The following COL5A2 variants were observed in gnomAD, a reference collection of about 807,000 sequenced individuals.
COL5A2 encodes the protein collagen type V alpha 2 chain, also known as collagen alpha-2(V) chain.
Under a neutral mutation model 208.2 loss-of-function variants are expected in COL5A2, and 23 were observed. The observed-to-expected ratio is 0.11, with a 90% CI of 0.08 to 0.16. The LOEUF (loss-of-function observed/expected upper bound fraction) is 0.16, where lower values mean the gene tolerates loss of function less well. COL5A2 is among the 10% of genes least tolerant of loss of function. COL5A2 has a pLI of 1.00. For synonymous variants in COL5A2, 625 were observed against 628.5 expected, an observed-to-expected ratio of 0.99 and a Z score of 0.08; for missense variants, 1,590 against 1,956.4, an observed-to-expected ratio of 0.81 and a Z score of 3.53.
At chr2:189,385,892 G>A in the COL5A2 span, among the ~76,000 whole-genome samples, 1 of 152,156 alleles carries the variant, frequency 6.6e-6, no homozygotes, top group Non-Finnish European at 1.5e-5. Context: ...AGACATACCT[G>A]AGACTGGGTA....
At chr2:189,172,223 A>G (rs1364106380) in intron 1 of COL5A2, among the ~76,000 whole-genome samples, 2 of 152,228 alleles carry the variant, frequency 1.3e-5, no homozygotes, top group African/African-American at 4.8e-5. Flanking sequence ...TACAAGCTAA[A>G]GGGAAAGAGC....
At position 189,066,792 on chromosome 2, in the gene COL5A2, AT is replaced by A. The variant is rs1470133187; in HGVS notation, c.1402-11del. The A allele has an allele frequency of 1.2e-6, 2 of 1,609,070 alleles. No homozygotes were observed. The highest frequency in any genetic ancestry group is 2.2e-5 in the East Asian group (1 of 44,846). The stretch of plus-strand genomic sequence containing the variant: ...GAACTCCTGGATCACCCTGAAAAAA[AT>A]ATATTGATATTTGTAAGAACCAGGA... On this transcript the variant is annotated splice_polypyrimidine_tract_variant and intron_variant, in intron 21 of 53. Coordinates refer to ENST00000374866, the MANE Select transcript of COL5A2 (RefSeq NM_000393.5).
the COL5A2 span, among the ~76,000 whole-genome samples, chr2:189,397,993 A>C: frequency 6.6e-6 from 1 of 152,136 alleles, no homozygotes; most frequent in Non-Finnish European, 1.5e-5. Flanking sequence ...TATTTTTATC[A>C]GCATTCAGTT....
chr2:189,309,139 A>G, the COL5A2 span, among the ~76,000 whole-genome samples: 4 of 152,202 alleles, frequency 2.6e-5, no homozygotes, highest in Non-Finnish European at 4.4e-5. Flanking sequence ...CGACAACCTC[A>G]TCGAGAATGT....
chr2:189,192,793 T>C (rs554715092), intron 1 of COL5A2, among the ~76,000 whole-genome samples: 1 of 152,344 alleles, frequency 6.6e-6, no homozygotes, highest in African/African-American at 2.4e-5. Flanking sequence ...TGTAACAGTA[T>C]TAAGAATTAA....
At chr2:189,351,043 C>A in the COL5A2 span, among the ~76,000 whole-genome samples, 1 of 152,184 alleles carries the variant, frequency 6.6e-6, no homozygotes, top group African/African-American at 2.4e-5. Context: ...GATGGGATTT[C>A]TTGCTTCTCA....
chr2:189,252,195 A>T, the COL5A2 span, among the ~76,000 whole-genome samples: 4 of 152,154 alleles, frequency 2.6e-5, no homozygotes, highest in African/African-American at 9.7e-5. Flanking sequence ...ATTGTGGAAG[A>T]CAGTGTGGTG....
the COL5A2 span, among the ~76,000 whole-genome samples, chr2:189,401,033 C>T: frequency 8.4e-6 from 1 of 119,144 alleles, no homozygotes; most frequent in African/African-American, 2.9e-5. Context: ...CATCACTTTC[C>T]TTGTCCGAGT....
the COL5A2 span, among the ~76,000 whole-genome samples, chr2:189,437,733 A>G: frequency 1.9e-4 from 29 of 152,320 alleles, 1 homozygote; most frequent in South Asian, 5.2e-3. Flanking sequence ...AGAGATAAAA[A>G]TTGCACCATC....
At chr2:189,211,261 A>G (rs2105868060) in intron 1 of COL5A2, among the ~76,000 whole-genome samples, 2 of 152,296 alleles carry the variant, frequency 1.3e-5, no homozygotes, top group Middle Eastern at 3.4e-3. Context: ...CCAAAATTTC[A>G]TTGTTCTTTA....
intron 46 of COL5A2, 146 bp downstream of exon 46, chr2:189,045,654 T>C (rs563335294): frequency 4.1e-6 from 3 of 727,166 alleles, no homozygotes; most frequent in South Asian, 3.1e-5. Context: ...AAACATATAG[T>C]AGTTCATAAT....
chr2:189,123,825 C>T (rs1395369051), intron 1 of COL5A2, among the ~76,000 whole-genome samples: 1 of 152,090 alleles, frequency 6.6e-6, no homozygotes, highest in African/African-American at 2.4e-5. Context: ...CTGGTAGAGG[C>T]TTGGGGTCAA....
At chr2:189,074,305 C>A (rs1249248669) in intron 17 of COL5A2, among the ~76,000 whole-genome samples, 3 of 151,968 alleles carry the variant, frequency 2.0e-5, no homozygotes, top group Non-Finnish European at 4.4e-5. Flanking sequence ...TGATCTAGAT[C>A]TAGTTATAAG....
intron 1 of COL5A2, among the ~76,000 whole-genome samples, chr2:189,208,311 T>C (rs1378178040): frequency 2.0e-5 from 3 of 152,326 alleles, no homozygotes; most frequent in East Asian, 3.9e-4. Flanking sequence ...GTCCATTACA[T>C]AATAAGGAGT....
rs1476482803 is a variant in COL5A2 at position 189,082,997 on chromosome 2, G to A, written c.852+987C>T. ...TTGCAAATTTCCCTTAAAAGATAAG[G>A]GAGCATTCATTTGTTTAAAACATTT... is the stretch of plus-strand genomic sequence containing the variant. On this transcript the variant is annotated intron_variant, in intron 12 of 53. Coordinates refer to ENST00000374866, the MANE Select transcript of COL5A2 (RefSeq NM_000393.5). Among the ~76,000 whole-genome samples, 3 of 152,108 alleles carry A rather than the reference G, an allele frequency of 2.0e-5. No individual in the cohort carries two copies. In the East Asian group the frequency reaches 5.8e-4, roughly 29 times the overall value.
chr2:189,378,183 T>C, the COL5A2 span, among the ~76,000 whole-genome samples: 1 of 152,238 alleles, frequency 6.6e-6, no homozygotes, highest in Non-Finnish European at 1.5e-5. Context: ...ATTTCTTTTT[T>C]AATGCATATC....
intron 14 of COL5A2, among the ~76,000 whole-genome samples, chr2:189,079,459 G>A (rs1392093450): frequency 6.6e-6 from 1 of 151,972 alleles, no homozygotes; most frequent in Non-Finnish European, 1.5e-5. Flanking sequence ...ATCTATTCTA[G>A]GAGACTTAGA....
At chr2:189,420,431 A>C in the COL5A2 span, among the ~76,000 whole-genome samples, 5 of 152,184 alleles carry the variant, frequency 3.3e-5, no homozygotes, top group East Asian at 1.9e-4. Context: ...CATGAAAATA[A>C]TACTGTATTA....
chr2:189,167,221 G>A (rs1371068418), intron 1 of COL5A2, among the ~76,000 whole-genome samples: 1 of 152,206 alleles, frequency 6.6e-6, no homozygotes, highest in Non-Finnish European at 1.5e-5. Context: ...TAGCTCAGGT[G>A]AGCGGGACAC....
Sources: gnomAD v4.1 joint callset for allele counts (sites outside exome capture counted in the v4.1 genomes callset) on GRCh38, gnomAD v4.1.1 for gene constraint, MANE v1.5 for transcripts, NCBI Gene and HGNC (gene_info 2026-07-23, HGNC 2026-07-21) for gene names.